NEBL: variants seen among roughly 807,000 people sequenced by gnomAD.
The protein encoded by NEBL is LIM and SH3 protein 2.
NEBL carries 122 observed loss-of-function variants against 140.2 expected under a neutral mutation model. The observed-to-expected ratio is 0.87, with a 90% CI of 0.75 to 1.01. The LOEUF is 1.01. Ranked by LOEUF, NEBL falls within the 50% of genes least tolerant of loss-of-function variation. The probability of loss-of-function intolerance (pLI) is 0.00; values close to 1 mark genes in which losing one functional copy is unlikely to be tolerated. For missense variants in NEBL, 1,365 were observed against 1,231.3 expected (o/e 1.11, Z -1.62); for synonymous variants, 436 against 398.9 (o/e 1.09, Z -1.11).
chr10:21,019,572 C>A (rs1429867324), intron 3 of NEBL, among the ~76,000 whole-genome samples: 1 of 152,226 alleles, frequency 6.6e-6, no homozygotes, highest in Non-Finnish European at 1.5e-5. Context: ...ATGTGTTTCA[C>A]CATATTGAAG....
intron 3 of NEBL, among the ~76,000 whole-genome samples, chr10:21,008,015 T>G (rs1325429548): frequency 6.6e-6 from 1 of 152,176 alleles, no homozygotes; most frequent in Non-Finnish European, 1.5e-5. Context: ...TAAATCATAC[T>G]TAGCCATTCA....
intron 4 of NEBL, among the ~76,000 whole-genome samples, chr10:20,954,385 G>A: frequency 6.6e-6 from 1 of 152,184 alleles, no homozygotes. Flanking sequence ...TAGAAAAAAA[G>A]ACACAGCCCA....
chr10:21,258,573 C>T (rs915058272), intron 1 of NEBL, among the ~76,000 whole-genome samples: 2 of 152,172 alleles, frequency 1.3e-5, no homozygotes, highest in South Asian at 2.1e-4. Context: ...GGTGTGGTGG[C>T]GGGCGCCTGT....
At chr10:21,204,660 G>T (rs1483714770) in intron 3 of NEBL, among the ~76,000 whole-genome samples, 1 of 152,220 alleles carries the variant, frequency 6.6e-6, no homozygotes, top group African/African-American at 2.4e-5. Context: ...CCCTAGCAGA[G>T]GAATACATCC....
intron 2 of NEBL, among the ~76,000 whole-genome samples, chr10:21,098,867 A>G (rs1404369370): frequency 1.3e-5 from 2 of 152,168 alleles, no homozygotes; most frequent in East Asian, 3.9e-4. Context: ...GGCGGCTCAC[A>G]CCTGTAATCT....
In NEBL at chr10:21,276,096, G is replaced by A. The variant is rs148505539; in HGVS notation, n.182+16734C>T. On this transcript the variant is annotated intron_variant and non_coding_transcript_variant, in intron 1 of 8. Coordinates refer to the NEBL transcript ENST00000675702. ...AGCGATTGTCATGCCTCAGCCTCCT[G>A]AGTAGATGAAACTACAGGTGTGCAC... is the stretch of plus-strand genomic sequence containing the variant. Among the ~76,000 whole-genome samples the A allele has an allele frequency of 2.9e-4, 44 of 151,170 alleles. 1 individual carries two copies. The East Asian group carries it at 6.7e-3, about 23-fold the overall frequency.
At position 20,858,315 on chromosome 10, in the gene NEBL, C is replaced by T. The variant is rs781062225; in HGVS notation, c.828G>A (p.Met276Ile). 5.6e-6 allele frequency: 9 copies of T among 1,608,840 alleles called. No homozygotes were observed. The East Asian group carries it at 2.0e-4, about 36-fold the overall frequency. The change falls in exon 9 of 28, where the codon ATG (methionine) becomes ATA (isoleucine). Residue 276 changes from methionine (M) to isoleucine (I), a missense_variant. By Grantham distance (10) the Met-to-Ile change is conservative. Around this residue, in one of 2 missense-constraint regions of NEBL, gnomAD observed 1,323 missense variants for 1,154.8 expected, o/e 1.15. Coordinates refer to ENST00000377122, the MANE Select transcript of NEBL (RefSeq NM_006393.3). ...NVKYKKDIQN[M>I]HDPVSDLPNL... is the part of the protein sequence containing the mutation. ...TTGGGAGATCTGAAACTGGATCATG[C>T]ATATTTTGAATGTCTTTCTTGTACT...
At chr10:21,185,015 A>T (rs1042693142) in intron 3 of NEBL, among the ~76,000 whole-genome samples, 4 of 152,174 alleles carry the variant, frequency 2.6e-5, no homozygotes, top group Non-Finnish European at 5.9e-5. Context: ...TTGCTATCTT[A>T]CCTTCTCCCA....
chr10:21,124,889 G>A (rs1838747320), intron 2 of NEBL, among the ~76,000 whole-genome samples: 1 of 152,216 alleles, frequency 6.6e-6, no homozygotes, highest in South Asian at 2.1e-4. Flanking sequence ...GAGCCCAGAA[G>A]TTTGAGGCTG....
intron 26 of NEBL, among the ~76,000 whole-genome samples, chr10:20,789,723 C>T (rs947531650): frequency 6.6e-6 from 1 of 151,942 alleles, no homozygotes; most frequent in South Asian, 2.1e-4. Flanking sequence ...TGTGGTGGTG[C>T]ATGCCTGTGA....
chr10:20,885,062 T>C (rs1183573162), intron 4 of NEBL, among the ~76,000 whole-genome samples: 2 of 148,342 alleles, frequency 1.3e-5, no homozygotes, highest in East Asian at 3.9e-4. Flanking sequence ...AAATTGACTT[T>C]AAGATAAGTT....
At chr10:21,017,554 G>A (rs1290750007) in intron 3 of NEBL, among the ~76,000 whole-genome samples, 1 of 152,044 alleles carries the variant, frequency 6.6e-6, no homozygotes, top group Non-Finnish European at 1.5e-5. Flanking sequence ...GCCACATCAG[G>A]GAGAATAAAA....
At chr10:21,281,097 A>G (rs1175074649) in intron 1 of NEBL, among the ~76,000 whole-genome samples, 1 of 152,216 alleles carries the variant, frequency 6.6e-6, no homozygotes, top group African/African-American at 2.4e-5. Context: ...TCAAGCACAA[A>G]TGCTCTTCCA....
intron 1 of NEBL, among the ~76,000 whole-genome samples, chr10:21,288,616 C>A (rs1347454958): frequency 6.6e-6 from 1 of 150,406 alleles, no homozygotes; most frequent in African/African-American, 2.4e-5. Flanking sequence ...CAAAAATTAG[C>A]CGGGCCTGCT....
At chr10:21,148,895 C>A (rs1840024318) in intron 2 of NEBL, among the ~76,000 whole-genome samples, 1 of 152,238 alleles carries the variant, frequency 6.6e-6, no homozygotes, top group East Asian at 1.9e-4. Flanking sequence ...ATGCTCTCAC[C>A]TTCCCCTACC....
chr10:20,948,608 G>C (rs1835291813), intron 4 of NEBL, among the ~76,000 whole-genome samples: 1 of 152,166 alleles, frequency 6.6e-6, no homozygotes, highest in African/African-American at 2.4e-5. Flanking sequence ...ATGGTTAACT[G>C]CCAACAGACA....
chr10:21,222,770 T>C (rs10828218), intron 3 of NEBL, among the ~76,000 whole-genome samples: 43,037 of 152,034 alleles, frequency 0.28, 11,064 homozygotes, highest in African/African-American at 0.69. Context: ...TTAGTTTTCT[T>C]TTTTTTTGTT....
At chr10:21,217,601 G>T (rs1181315239) in intron 3 of NEBL, among the ~76,000 whole-genome samples, 6 of 152,158 alleles carry the variant, frequency 3.9e-5, no homozygotes, top group African/African-American at 1.4e-4. Flanking sequence ...TCCAGGCTCT[G>T]CTAGTTACTA....
At chr10:20,875,427 C>A (rs1845401266) in intron 5 of NEBL, among the ~76,000 whole-genome samples, 1 of 152,164 alleles carries the variant, frequency 6.6e-6, no homozygotes, top group Non-Finnish European at 1.5e-5. Context: ...CTGGGTTAGA[C>A]ATGGCCAATA....
Sources: allele counts gnomAD v4.1 joint callset (sites outside exome capture counted in the v4.1 genomes callset), GRCh38; gene constraint gnomAD v4.1.1; regional missense constraint gnomAD v4.1.1; transcripts MANE v1.5; gene names NCBI Gene and HGNC (gene_info 2026-07-23, HGNC 2026-07-21).